The following TBC1D12 variants were observed in gnomAD, a reference collection of about 807,000 sequenced individuals.
TBC1D12 encodes TBC1 domain family member 12, also known as TBC1 domain family, member 12.
Under a neutral mutation model 86.7 loss-of-function variants are expected in TBC1D12, and 56 were observed. The ratio of observed to expected loss-of-function variants is 0.65; its 90% CI spans 0.52 to 0.81. The LOEUF is 0.81. Ranked by LOEUF, TBC1D12 falls within the 30% of genes least tolerant of loss-of-function variation. The probability of loss-of-function intolerance (pLI) is 0.00; values close to 1 mark genes in which losing one functional copy is unlikely to be tolerated. For synonymous variants in TBC1D12, 421 were observed against 411.7 expected, an observed-to-expected ratio of 1.02 and a Z score of -0.27; for missense variants, 1,023 against 1,038.8, an observed-to-expected ratio of 0.98 and a Z score of 0.21.
intron 7 of TBC1D12, chr10:94,509,715 A>G (rs2056504270): frequency 4.9e-6 from 1 of 205,200 alleles, no homozygotes; most frequent in Non-Finnish European, 9.6e-6. Flanking sequence ...CTACTCACCA[A>G]GGAAAGACTC....
At position 94,437,451 on chromosome 10, in the gene TBC1D12, G is replaced by A. The variant is rs146153621; in HGVS notation, c.972-4445G>A. ...CACCATTCTTCTGCCTCAGCCCTCC[G>A]GAGTAGCTGAGACTACAGGCGCCCG... On this transcript the variant is annotated intron_variant, in intron 1 of 12. Coordinates refer to ENST00000225235, the MANE Select transcript of TBC1D12 (RefSeq NM_015188.2). Among the ~76,000 whole-genome samples the A allele has an allele frequency of 1.2e-3, 179 of 151,580 alleles. 1 individual carries two copies. The highest frequency in any genetic ancestry group is 6.9e-3 in the Middle Eastern group (2 of 290).
chr10:94,528,697 C>G (rs142714889), intron 11 of TBC1D12, among the ~76,000 whole-genome samples: 1 of 151,892 alleles, frequency 6.6e-6, no homozygotes, highest in Non-Finnish European at 1.5e-5. Context: ...TGGCAGGCAC[C>G]TGTAATCCCA....
At position 94,475,210 on chromosome 10, in the gene TBC1D12, T is replaced by A. The variant is rs558401059; in HGVS notation, c.1211+427T>A. On this transcript the variant is annotated intron_variant, in intron 3 of 12. Coordinates refer to ENST00000225235, the MANE Select transcript of TBC1D12 (RefSeq NM_015188.2). ...AACTCTCTGCTCCTCCATCTTAACA[T>A]GATAGGGCAGTTATTCTTCCTTTCT... 2.4e-4 allele frequency among the ~76,000 whole-genome samples: 36 copies of A among 152,336 alleles called. 1 individual carries two copies. Among genetic ancestry groups the A allele is most frequent in the Admixed American group, 1.6e-3 (25 of 15,304 alleles).
At chr10:94,472,207 C>T (rs905360682) in intron 2 of TBC1D12, among the ~76,000 whole-genome samples, 3 of 152,170 alleles carry the variant, frequency 2.0e-5, no homozygotes, top group African/African-American at 7.2e-5. Context: ...AGTTCAAGAA[C>T]AGCCTTGGCA....
chr10:94,453,463 A>T (rs1238650367), intron 2 of TBC1D12, among the ~76,000 whole-genome samples: 1 of 152,130 alleles, frequency 6.6e-6, no homozygotes, highest in East Asian at 1.9e-4. Context: ...TTTTGTTATA[A>T]TTGCTCTATT....
chr10:94,437,357 G>A (rs992492161), intron 1 of TBC1D12, among the ~76,000 whole-genome samples: 10 of 151,016 alleles, frequency 6.6e-5, no homozygotes, highest in African/African-American at 2.2e-4. Flanking sequence ...ACAGAGTCTC[G>A]CTGTGTCACC....
intron 2 of TBC1D12, among the ~76,000 whole-genome samples, chr10:94,463,664 T>C (rs1316983377): frequency 1.3e-5 from 2 of 152,236 alleles, no homozygotes; most frequent in Admixed American, 6.5e-5. Flanking sequence ...ATATATGTTA[T>C]GCAATTTTAG....
intron 9 of TBC1D12, among the ~76,000 whole-genome samples, chr10:94,512,263 C>A (rs1222189810): frequency 6.7e-6 from 1 of 150,032 alleles, no homozygotes; most frequent in South Asian, 2.2e-4. Context: ...ATTTTTCATT[C>A]TTGTAGTCCT....
intron 5 of TBC1D12, among the ~76,000 whole-genome samples, chr10:94,499,798 G>A (rs950094575): frequency 2.0e-5 from 3 of 152,198 alleles, no homozygotes; most frequent in African/African-American, 7.2e-5. Context: ...TTGGATCTCA[G>A]ATCTATCTGA....
chr10:94,492,799 T>G (rs895710130), intron 3 of TBC1D12, among the ~76,000 whole-genome samples: 1 of 152,246 alleles, frequency 6.6e-6, no homozygotes, highest in African/African-American at 2.4e-5. Flanking sequence ...GTTCTATATC[T>G]TGATTGGTTA....
intron 8 of TBC1D12, among the ~76,000 whole-genome samples, chr10:94,510,850 T>C (rs1016565535): frequency 1.3e-5 from 2 of 152,136 alleles, no homozygotes; most frequent in African/African-American, 2.4e-5. Context: ...TATCTTTAGA[T>C]TGATAAAAAT....
Position 94,483,011 on chromosome 10 carries a change from T to C in TBC1D12, c.1211+8228T>C, listed in dbSNP as rs143892001. Among the ~76,000 whole-genome samples, 9 of 152,068 alleles carry C rather than the reference T, an allele frequency of 5.9e-5. No homozygotes were observed. In the South Asian group the frequency reaches 1.0e-3, roughly 18 times the overall value. ...CTTTTTGTGGATGAATAATACTCCA[T>C]TGTCTATATGAACCACATATTCTTC... On this transcript the variant is annotated intron_variant, in intron 3 of 12. Coordinates refer to ENST00000225235, the MANE Select transcript of TBC1D12 (RefSeq NM_015188.2).
Position 94,403,293 on chromosome 10 carries a change from G to A in TBC1D12, c.680G>A (p.Cys227Tyr). 1.3e-6 allele frequency: 2 copies of A among 1,500,228 alleles called. No individual in the cohort carries two copies. Among genetic ancestry groups the A allele is most frequent in the South Asian group, 2.6e-5 (2 of 77,616 alleles). 92.9% of individuals were successfully genotyped at this position (1,500,228 alleles called of 1,614,324 possible). ...TCGGGGGACAGCCCCGCCAGCAGCT[G>A]CAGCAGTAGCGAGGACTCAGAGCAG... ...SDSGDSPASS[C>Y]SSSEDSEQRG... The change falls in exon 1 of 13, where the codon TGC becomes TAC. Residue 227 changes from cysteine (C) to tyrosine (Y), a missense_variant. Coordinates refer to ENST00000225235, the MANE Select transcript of TBC1D12 (RefSeq NM_015188.2).
intron 2 of TBC1D12, among the ~76,000 whole-genome samples, chr10:94,472,499 CTTTG>C (rs1396827558): frequency 2.0e-5 from 3 of 152,106 alleles, no homozygotes; most frequent in African/African-American, 4.8e-5. Context: ...TGTGCTTGGC[CTTTG>C]TTTGCATGGA....
At chr10:94,497,805 T>C (rs1295803103) in intron 5 of TBC1D12, among the ~76,000 whole-genome samples, 1 of 150,786 alleles carries the variant, frequency 6.6e-6, no homozygotes, top group Non-Finnish European at 1.5e-5. Context: ...TTTAATGTCT[T>C]TGGTTACTGT....
intron 1 of TBC1D12, among the ~76,000 whole-genome samples, chr10:94,418,049 C>T (rs983391918): frequency 6.6e-5 from 10 of 152,104 alleles, no homozygotes; most frequent in South Asian, 2.1e-4. Context: ...CCACCGCGCC[C>T]GGCCCATGTA....
intron 2 of TBC1D12, 66 bp downstream of exon 2, chr10:94,442,085 T>C (rs745383976): frequency 0.07 from 35,990 of 512,924 alleles, 165 homozygotes; most frequent in East Asian, 0.31. Context: ...TCTTCTTCTT[T>C]TTTTTTTTTT....
chr10:94,507,850 G>T (rs1233478145), intron 7 of TBC1D12, among the ~76,000 whole-genome samples: 1 of 152,118 alleles, frequency 6.6e-6, no homozygotes, highest in Admixed American at 6.5e-5. Context: ...GCCGGGCGTG[G>T]TGGCAGGTGC....
In TBC1D12 at chr10:94,535,736, A is replaced by G. The variant is rs1287815447; in HGVS notation, c.*2640A>G. ...CTCATTCAGGTTATACTACCTGACTAAATTTAATCATACTTTCATGTATTT... is the reference window on the plus strand; with the variant it reads ...CTCATTCAGGTTATACTACCTGACTGAATTTAATCATACTTTCATGTATTT... On this transcript the variant is annotated 3_prime_UTR_variant, in exon 13 of 13. Transcript: ENST00000225235. 1 of 152,204 alleles carries G rather than the reference A, an allele frequency of 6.6e-6. No homozygotes were observed. Among genetic ancestry groups the G allele is most frequent in the Non-Finnish European group, 1.5e-5 (1 of 68,030 alleles). 9.4% of individuals were successfully genotyped at this position (152,204 alleles called of 1,614,324 possible).
Sources: gnomAD v4.1 joint callset for allele counts (sites outside exome capture counted in the v4.1 genomes callset) on GRCh38, gnomAD v4.1.1 for gene constraint, MANE v1.5 for transcripts, NCBI Gene and HGNC (gene_info 2026-07-23, HGNC 2026-07-21) for gene names.